The following APBB2 variants were observed in gnomAD, a reference collection of about 807,000 sequenced individuals.
The protein encoded by APBB2 is Fe65-like 1.
A neutral mutation model predicts 82.5 loss-of-function variants in APBB2; 38 were observed. The ratio of observed to expected loss-of-function variants is 0.46; its 90% CI spans 0.36 to 0.60. The LOEUF is 0.60. Ranked by LOEUF, APBB2 falls within the 20% of genes least tolerant of loss-of-function variation. The probability of loss-of-function intolerance (pLI) is 0.00; values close to 1 mark genes in which losing one functional copy is unlikely to be tolerated. For synonymous variants in APBB2, 341 were observed against 368.2 expected, an observed-to-expected ratio of 0.93 and a Z score of 0.85; for missense variants, 772 against 972.3, an observed-to-expected ratio of 0.79 and a Z score of 2.74.
intron 12 of APBB2, among the ~76,000 whole-genome samples, chr4:40,867,455 A>T (rs1486736582): frequency 6.6e-6 from 1 of 152,216 alleles, no homozygotes; most frequent in East Asian, 1.9e-4. Flanking sequence ...TAAACAAAAT[A>T]GGCTCAGAGG....
chr4:40,969,526 C>A (rs1795451005), intron 6 of APBB2, among the ~76,000 whole-genome samples: 1 of 152,144 alleles, frequency 6.6e-6, no homozygotes, highest in Non-Finnish European at 1.5e-5. Context: ...AGCTATTTAT[C>A]CTAACGTGTT....
At chr4:41,161,933 A>G (rs1008418249) in intron 1 of APBB2, among the ~76,000 whole-genome samples, 2 of 152,156 alleles carry the variant, frequency 1.3e-5, no homozygotes, top group East Asian at 3.8e-4. Flanking sequence ...CCATCATCCA[A>G]CTTCAATGAT....
At chr4:41,191,462 G>A (rs925155597) in intron 1 of APBB2, among the ~76,000 whole-genome samples, 5 of 152,072 alleles carry the variant, frequency 3.3e-5, no homozygotes, top group Non-Finnish European at 7.3e-5. Flanking sequence ...TGTGAAAGAA[G>A]ATGGTTCTAT....
chr4:40,939,583 A>T (rs1179897069), intron 7 of APBB2, among the ~76,000 whole-genome samples: 1 of 152,174 alleles, frequency 6.6e-6, no homozygotes, highest in African/African-American at 2.4e-5. Flanking sequence ...TGAGTGTTTT[A>T]TCAATTTATA....
rs750749997 is a variant in APBB2, at chr4:40,823,643, C to T, written c.1932+1G>A. The T allele has an allele frequency of 6.2e-7, 1 of 1,604,392 alleles. No individual in the cohort carries two copies. Among genetic ancestry groups the T allele is most frequent in the Non-Finnish European group, 8.5e-7 (1 of 1,171,372 alleles). On this transcript the variant is annotated splice_donor_variant, in intron 16 of 17. Transcript: ENST00000508593. LOFTEE classifies it high-confidence loss of function. ...CAATGTCATCGAAGATTCCTTCTCA[C>T]CTTTTCACTGATGACAGTCACAGTG...
chr4:41,146,878 C>G (rs746883804), intron 1 of APBB2, among the ~76,000 whole-genome samples: 122 of 152,298 alleles, frequency 8.0e-4, no homozygotes, highest in Non-Finnish European at 1.1e-3. Context: ...AGCCGCGGCC[C>G]GGGCTGATGT....
At chr4:40,908,127 G>C (rs749193325) in intron 10 of APBB2, among the ~76,000 whole-genome samples, 7 of 151,796 alleles carry the variant, frequency 4.6e-5, no homozygotes, top group Non-Finnish European at 8.8e-5. Flanking sequence ...AGGAGGAAGA[G>C]ACAGCAGGGA....
chr4:41,086,965 A>G (rs28397858), intron 3 of APBB2, among the ~76,000 whole-genome samples: 184 of 151,614 alleles, frequency 1.2e-3, no homozygotes, highest in African/African-American at 4.2e-3. Context: ...ACCTGTCAGA[A>G]TAAGATAAAA....
chr4:40,925,374 C>A (rs1782359979), intron 10 of APBB2, among the ~76,000 whole-genome samples: 1 of 152,226 alleles, frequency 6.6e-6, no homozygotes, highest in Non-Finnish European at 1.5e-5. Flanking sequence ...TCATTACCCT[C>A]ATTTTGCAGA....
intron 3 of APBB2, among the ~76,000 whole-genome samples, chr4:41,079,954 T>TGAATC (rs1272044720): frequency 6.6e-6 from 1 of 152,232 alleles, no homozygotes; most frequent in African/African-American, 2.4e-5. Context: ...AAGCAGCTTG[T>TGAATC]GAATCGGGAG....
intron 10 of APBB2, among the ~76,000 whole-genome samples, chr4:40,916,125 G>C (rs1174897565): frequency 6.6e-6 from 1 of 152,148 alleles, no homozygotes; most frequent in African/African-American, 2.4e-5. Context: ...AAACATTTTA[G>C]GTAGTTGTTC....
chr4:41,067,603 A>G (rs1441349799), intron 3 of APBB2, among the ~76,000 whole-genome samples: 1 of 152,192 alleles, frequency 6.6e-6, no homozygotes, highest in Non-Finnish European at 1.5e-5. Context: ...GAAGGAGAAC[A>G]TTACAGGATC....
At position 40,832,031 on chromosome 4, in the gene APBB2, C is replaced by T. The variant is rs1560636975; in HGVS notation, c.1530-1454G>A. Among the ~76,000 whole-genome samples, 4 of 151,686 alleles carry T rather than the reference C, an allele frequency of 2.6e-5. No homozygotes were observed. Among genetic ancestry groups the T allele is most frequent in the African/African-American group, 9.7e-5 (4 of 41,300 alleles). On this transcript the variant is annotated intron_variant, in intron 12 of 17. Transcript: ENST00000508593. The surrounding 1 kb of genome is among the most constrained non-coding windows in gnomAD (Gnocchi z 4.8). ...ATTTATATACACACACACACACACA[C>T]ACACACACACACACACACACATATA...
intron 1 of APBB2, among the ~76,000 whole-genome samples, chr4:41,156,064 T>C (rs546344305): frequency 1.3e-5 from 2 of 151,898 alleles, no homozygotes; most frequent in African/African-American, 2.4e-5. Context: ...TTGACAGATA[T>C]GGCTTTATGA....
chr4:41,195,021 G>A, intron 1 of APBB2, among the ~76,000 whole-genome samples: 2 of 152,024 alleles, frequency 1.3e-5, no homozygotes, highest in Non-Finnish European at 2.9e-5. Flanking sequence ...TCACACTCCT[G>A]TCTTAGTGGC....
In APBB2 at chr4:41,194,952, G is replaced by C; in HGVS notation, c.-417+19453C>G. Reference sequence around the variant, plus strand: ...AGACGTGTGATTTATTTTTAGATCTGACCCAGCAGATCATACCTCTCCCTT... The same window carrying C: ...AGACGTGTGATTTATTTTTAGATCTCACCCAGCAGATCATACCTCTCCCTT... On this transcript the variant is annotated intron_variant, in intron 1 of 17. Transcript: ENST00000508593. Among the ~76,000 whole-genome samples the C allele has an allele frequency of 5.3e-5, 8 of 152,058 alleles. 1 individual carries two copies. Among genetic ancestry groups the C allele is most frequent in the African/African-American group, 1.9e-4 (8 of 41,462 alleles).
At chr4:40,997,951 T>G (rs1191247609) in intron 6 of APBB2, among the ~76,000 whole-genome samples, 1 of 152,206 alleles carries the variant, frequency 6.6e-6, no homozygotes, top group Admixed American at 6.5e-5. Context: ...GAGTTGCAAG[T>G]TGAACTAGCT....
At chr4:41,159,898 A>AGAAGG (rs1764404669) in intron 1 of APBB2, among the ~76,000 whole-genome samples, 1 of 76,114 alleles carries the variant, frequency 1.3e-5, no homozygotes, top group African/African-American at 6.9e-5. Context: ...AAAAAGGAAG[A>AGAAGG]AGAAGGAGAA....
At chr4:40,924,861 G>A (rs950123424) in intron 10 of APBB2, among the ~76,000 whole-genome samples, 3 of 152,220 alleles carry the variant, frequency 2.0e-5, no homozygotes, top group African/African-American at 7.2e-5. Flanking sequence ...GTTATCCACA[G>A]TATTGGGCAA....
Sources: allele counts gnomAD v4.1 joint callset (sites outside exome capture counted in the v4.1 genomes callset), GRCh38; gene constraint gnomAD v4.1.1; non-coding constraint Gnocchi (gnomAD v3.1); transcripts MANE v1.5; gene names NCBI Gene and HGNC (gene_info 2026-07-23, HGNC 2026-07-21).